The following LRCH3 variants were observed in gnomAD, a reference collection of about 807,000 sequenced individuals.
The protein encoded by LRCH3 is DISP complex protein LRCH3.
A neutral mutation model predicts 104.5 loss-of-function variants in LRCH3; 68 were observed. That is an observed-to-expected ratio of 0.65 (90% confidence interval 0.54 to 0.80). The LOEUF is 0.80. Ranked by LOEUF, LRCH3 falls within the 30% of genes least tolerant of loss-of-function variation. The pLI is 0.00. For missense variants in LRCH3, 951 were observed against 953.9 expected, an observed-to-expected ratio of 1.00 and a Z score of 0.04; for synonymous variants, 344 against 361.3, an observed-to-expected ratio of 0.95 and a Z score of 0.54.
chr3:197,808,231 C>G (rs1732715980), intron 1 of LRCH3, among the ~76,000 whole-genome samples: 1 of 152,190 alleles, frequency 6.6e-6, no homozygotes, highest in Admixed American at 6.5e-5. Flanking sequence ...GATATGAAGA[C>G]TCAGAGAGAA....
Position 197,853,808 on chromosome 3 carries a change from G to A in LRCH3, c.1591-584G>A, listed in dbSNP as rs139989276. 5.1e-3 allele frequency among the ~76,000 whole-genome samples: 770 copies of A among 152,202 alleles called. 6 individuals are homozygous for A. The highest frequency in any genetic ancestry group is 0.018 in the African/African-American group (734 of 41,548). Reference sequence around the variant, plus strand: ...AAGATTGGCTCCAGCATGTTCACTTGTCTTTTCTTCACCTGGTAATAATAC... The same window carrying A: ...AAGATTGGCTCCAGCATGTTCACTTATCTTTTCTTCACCTGGTAATAATAC... On this transcript the variant is annotated intron_variant, in intron 13 of 20. Coordinates refer to ENST00000425562, the MANE Select transcript of LRCH3 (RefSeq NM_001365715.1).
chr3:197,838,483 T>C (rs1018538451), intron 9 of LRCH3, among the ~76,000 whole-genome samples: 2 of 152,236 alleles, frequency 1.3e-5, no homozygotes, highest in African/African-American at 4.8e-5. Context: ...TAGTTTTATG[T>C]TTGATTTGTA....
rs532182844 is a variant in LRCH3, at chr3:197,840,190, C to T, written c.1328+793C>T. On this transcript the variant is annotated intron_variant, in intron 10 of 20. Coordinates refer to ENST00000425562, the MANE Select transcript of LRCH3 (RefSeq NM_001365715.1). ...CGGTGGCTCATATCTGTAATGCCAGCACTTTGGGAGGCTGAGGCAGGTGGA... is the reference window on the plus strand; with the variant it reads ...CGGTGGCTCATATCTGTAATGCCAGTACTTTGGGAGGCTGAGGCAGGTGGA... 1.3e-3 allele frequency among the ~76,000 whole-genome samples: 202 copies of T among 152,182 alleles called. 1 individual carries two copies. The highest frequency in any genetic ancestry group is 4.6e-3 in the African/African-American group (192 of 41,530).
chr3:197,820,321 A>G lies in LRCH3; in HGVS notation c.535-4A>G, dbSNP rs1053573223. On this transcript the variant is annotated splice_region_variant and splice_polypyrimidine_tract_variant and intron_variant, in intron 3 of 20. Transcript: ENST00000425562. ...AATCTTTATTTTGTATCTTTTCGAA[A>G]TAGGATGTGAGCTGCAATGAAATTC... 1.9e-6 allele frequency: 3 copies of G among 1,594,524 alleles called. No individual in the cohort carries two copies. The highest frequency in any genetic ancestry group is 1.3e-5 in the African/African-American group (1 of 74,628).
chr3:197,866,269 CGACG>C (rs764939154), intron 17 of LRCH3, 50 bp downstream of exon 17: 6 of 1,281,436 alleles, frequency 4.7e-6, no homozygotes, highest in African/African-American at 1.5e-5. Flanking sequence ...GTTTACACAA[CGACG>C]CTAGCTGTTA....
In LRCH3 at chr3:197,852,611, A is replaced by G; in HGVS notation, c.1581A>G (p.Val527=). Residue 527 remains valine (V), a synonymous_variant, in exon 13 of 21, where the codon GTA becomes GTG. Transcript: ENST00000425562. ...PQKQHPLLDG[V]DGECPFPSRR... ...AACAGCACCCGCTCCTAGATGGCGT[A>G]GATGGTGAGGTAAGTTGATGTAATC... is the stretch of plus-strand genomic sequence containing the variant. The G allele has an allele frequency of 6.2e-7, 1 of 1,614,124 alleles. No homozygotes were observed. The highest frequency in any genetic ancestry group is 8.5e-7 in the Non-Finnish European group (1 of 1,179,962).
intron 5 of LRCH3, among the ~76,000 whole-genome samples, chr3:197,828,628 A>G (rs1439277265): frequency 6.6e-6 from 1 of 150,814 alleles, no homozygotes; most frequent in African/African-American, 2.4e-5. Context: ...TACAGGTGTG[A>G]GCCACCGCGC....
chr3:197,807,304 C>T (rs1732611367), intron 1 of LRCH3, among the ~76,000 whole-genome samples: 1 of 151,486 alleles, frequency 6.6e-6, no homozygotes, highest in Non-Finnish European at 1.5e-5. Flanking sequence ...GCCAGCTCCG[C>T]CTCTCGGGTT....
intron 10 of LRCH3, among the ~76,000 whole-genome samples, chr3:197,841,846 G>GTTTT (rs571232268): frequency 1.1e-3 from 163 of 147,164 alleles, no homozygotes; most frequent in Non-Finnish European, 2.1e-3. Context: ...GTTTTGTTTT[G>GTTTT]TTTTGTGACA....
chr3:197,847,470 A>C lies in LRCH3; in HGVS notation c.1380+10A>C. ...AGCAAGTCACAATCAGGTAATGTTTAGTAGTTGTGTTTATTTTTGCTTTTT... is the reference window on the plus strand; with the variant it reads ...AGCAAGTCACAATCAGGTAATGTTTCGTAGTTGTGTTTATTTTTGCTTTTT... On this transcript the variant is annotated intron_variant, in intron 11 of 20. Transcript: ENST00000425562. 6.3e-7 allele frequency: 1 copy of C among 1,590,434 alleles called. No homozygotes were observed. Among genetic ancestry groups the C allele is most frequent in the Middle Eastern group, 1.7e-4 (1 of 5,972 alleles).
chr3:197,819,180 A>G (rs1046282909), intron 3 of LRCH3, among the ~76,000 whole-genome samples: 1 of 151,728 alleles, frequency 6.6e-6, no homozygotes, highest in Non-Finnish European at 1.5e-5. Flanking sequence ...CTCCATTCCC[A>G]TCTGATGGTT....
chr3:197,848,308 A>G (rs568343847), intron 12 of LRCH3: 2 of 284,346 alleles, frequency 7.0e-6, no homozygotes, highest in South Asian at 1.0e-4. Flanking sequence ...TGAAAGTGAA[A>G]GTGCTGTGTG....
Position 197,854,341 on chromosome 3 carries a change from C to T in LRCH3, c.1591-51C>T, listed in dbSNP as rs761070075. The T allele has an allele frequency of 2.6e-5, 38 of 1,474,006 alleles. No homozygotes were observed. The Admixed American group carries it at 3.7e-4, about 14-fold the overall frequency. 91.3% of individuals were successfully genotyped at this position (1,474,006 alleles called of 1,614,324 possible). Reference sequence around the variant, plus strand: ...GTGTGTATTCGTGAAATACGTCACACGTGTGCGTAGTTTGTTTCTGACATG... The same window carrying T: ...GTGTGTATTCGTGAAATACGTCACATGTGTGCGTAGTTTGTTTCTGACATG... On this transcript the variant is annotated intron_variant, in intron 13 of 20. Transcript: ENST00000425562. This position sits in a 1 kb window ranked among gnomAD's most constrained non-coding sequence, Gnocchi z 4.5.
At chr3:197,880,600 C>T (rs1442113506) in intron 20 of LRCH3, 1 of 1,536,606 alleles carries the variant, frequency 6.5e-7, no homozygotes, top group Non-Finnish European at 8.7e-7. Flanking sequence ...GGGGCACACT[C>T]AGAAGAATCC....
At chr3:197,792,583 A>ATATATATATATATATATATATATATATG (rs1730683668) in intron 1 of LRCH3, among the ~76,000 whole-genome samples, 1 of 53,910 alleles carries the variant, frequency 1.9e-5, no homozygotes, top group African/African-American at 6.6e-5. Context: ...AATTTTATAT[A>ATATATATATATATATATATATATATATG]TATATATATA....
intron 1 of LRCH3, among the ~76,000 whole-genome samples, chr3:197,800,052 G>A (rs369350329): frequency 4.7e-5 from 7 of 150,416 alleles, no homozygotes; most frequent in East Asian, 2.0e-4. Context: ...AGCCAGGCGT[G>A]CTGGCAGGTG....
At chr3:197,880,104 C>A (rs938325233) in intron 20 of LRCH3, among the ~76,000 whole-genome samples, 2 of 150,200 alleles carry the variant, frequency 1.3e-5, no homozygotes, top group Non-Finnish European at 3.0e-5. Context: ...CGCCACCACG[C>A]CCGGCTAATT....
rs75027257 is a variant in LRCH3, at chr3:197,883,256, G to C, written c.2209-285G>C. On this transcript the variant is annotated intron_variant, in intron 20 of 20. Coordinates refer to ENST00000425562, the MANE Select transcript of LRCH3 (RefSeq NM_001365715.1). The surrounding 1 kb of genome is among the most constrained non-coding windows in gnomAD (Gnocchi z 4.2). Reference sequence around the variant, plus strand: ...ATAAAGGATGTTGCTTTCACCCTGCGGTATTGTTTTCCCTCTGTTGTATGT... The same window carrying C: ...ATAAAGGATGTTGCTTTCACCCTGCCGTATTGTTTTCCCTCTGTTGTATGT... 3.6e-6 allele frequency: 4 copies of C among 1,100,422 alleles called. No homozygotes were observed. The highest frequency in any genetic ancestry group is 4.4e-6 in the Non-Finnish European group (4 of 902,556). 68.2% of individuals were successfully genotyped at this position (1,100,422 alleles called of 1,614,324 possible).
At chr3:197,866,368 T>A in intron 17 of LRCH3, 149 bp downstream of exon 17, 1 of 603,490 alleles carries the variant, frequency 1.7e-6, no homozygotes, top group Non-Finnish European at 3.0e-6. Context: ...TCACTGATAC[T>A]AAAGCAGGAA....
Sources: gnomAD v4.1 joint callset for allele counts (sites outside exome capture counted in the v4.1 genomes callset) on GRCh38, gnomAD v4.1.1 for gene constraint, Gnocchi (gnomAD v3.1) non-coding constraint, MANE v1.5 for transcripts, NCBI Gene and HGNC (gene_info 2026-07-23, HGNC 2026-07-21) for gene names.